Variants in MYOM1 observed in about 807,000 individuals in gnomAD.
The protein encoded by MYOM1 is myomesin 1.
MYOM1 carries 164 observed loss-of-function variants against 205.3 expected under a neutral mutation model. The observed-to-expected ratio is 0.80, with a 90% confidence interval of 0.70 to 0.91. The LOEUF is 0.91. Among genes scored for constraint, MYOM1 ranks in the 40% least tolerant of loss-of-function variants. MYOM1 has a pLI of 0.00. For synonymous variants in MYOM1, 772 were observed against 789.4 expected (o/e 0.98, Z 0.37); for missense variants, 2,011 against 2,127.3 (o/e 0.95, Z 1.08).
Position 3,215,034 on chromosome 18 carries a change from C to G in MYOM1, c.190G>C (p.Ala64Pro). The part of the protein sequence containing the change: ...HRRESEAFRR[A>P]SASSSQQQAS... ...TGCTGCTGGGAGGAGGAGGCGGACG[C>G]CCGACGGAAGGCCTCGGACTCCCGG... Residue 64 changes from alanine to proline, a missense_variant, in exon 2 of 38, where the codon GCG (alanine) becomes CCG (proline). Coordinates refer to ENST00000356443, the MANE Select transcript of MYOM1 (RefSeq NM_003803.4). The G allele has an allele frequency of 6.2e-7, 1 of 1,612,624 alleles. No individual in the cohort carries two copies. The highest frequency in any genetic ancestry group is 8.5e-7 in the Non-Finnish European group (1 of 1,179,386).
intron 5 of MYOM1, among the ~76,000 whole-genome samples, 193 bp downstream of exon 5, chr18:3,187,287 T>C (rs1238445800): frequency 6.6e-6 from 1 of 152,240 alleles, no homozygotes; most frequent in African/African-American, 2.4e-5. Flanking sequence ...GTAGCGTATA[T>C]ATGCAAGACT....
intron 34 of MYOM1, among the ~76,000 whole-genome samples, chr18:3,076,076 C>CT (rs112879352): frequency 1.7e-4 from 26 of 152,162 alleles, no homozygotes; most frequent in African/African-American, 6.3e-4. Context: ...TGTTTCTTTT[C>CT]TTTTTTTGAG....
intron 14 of MYOM1, among the ~76,000 whole-genome samples, chr18:3,140,990 TTCATTTTCTC>T (rs1248670926): frequency 6.6e-6 from 1 of 152,232 alleles, no homozygotes; most frequent in Non-Finnish European, 1.5e-5. Flanking sequence ...CTTATTTTCT[TTCATTTTCTC>T]AATTATATCC....
At chr18:3,205,690 T>C (rs2144224716) in intron 2 of MYOM1, among the ~76,000 whole-genome samples, 1 of 152,322 alleles carries the variant, frequency 6.6e-6, no homozygotes, top group Admixed American at 6.5e-5. Context: ...AAACTTAGCA[T>C]ACAACCCAGC....
intron 37 of MYOM1, among the ~76,000 whole-genome samples, chr18:3,068,581 T>C (rs867948000): frequency 9.9e-5 from 15 of 152,208 alleles, no homozygotes; most frequent in Non-Finnish European, 1.3e-4. Flanking sequence ...ACTCATCTGT[T>C]TTCCATTTCT....
At chr18:3,167,415 G>A (rs144941454) in intron 9 of MYOM1, among the ~76,000 whole-genome samples, 75 of 152,212 alleles carry the variant, frequency 4.9e-4, no homozygotes, top group East Asian at 1.7e-3. Context: ...ATGGAGTCCC[G>A]CTCTATAGCC....
chr18:3,137,419 C>A (rs998611717), intron 14 of MYOM1, among the ~76,000 whole-genome samples: 5 of 152,146 alleles, frequency 3.3e-5, no homozygotes, highest in African/African-American at 1.2e-4. Context: ...GGAATCAACC[C>A]AAGTGCCCAT....
At position 3,129,532 on chromosome 18, in the gene MYOM1, GACA is replaced by G. The variant is rs147985558; in HGVS notation, c.2507-16_2507-14del. ...GACACTCCTCCCCCTACAGTTGCCA[GACA>G]ACAACAGAAACGCATTGAGCCCGGA... On this transcript the variant is annotated splice_polypyrimidine_tract_variant and intron_variant, in intron 17 of 37. Coordinates refer to ENST00000356443, the MANE Select transcript of MYOM1 (RefSeq NM_003803.4). The G allele has an allele frequency of 3.3e-3, 5,320 of 1,598,732 alleles. 139 individuals carry two copies. In the African/African-American group the frequency reaches 0.061, roughly 18 times the overall value.
chr18:3,178,394 C>T (rs1268442632), intron 5 of MYOM1, among the ~76,000 whole-genome samples: 1 of 152,232 alleles, frequency 6.6e-6, no homozygotes, highest in Non-Finnish European at 1.5e-5. Context: ...GAACCGGCAG[C>T]CTGGCTGCTG....
intron 25 of MYOM1, among the ~76,000 whole-genome samples, chr18:3,098,356 C>A (rs1022149512): frequency 2.0e-5 from 3 of 152,138 alleles, no homozygotes; most frequent in African/African-American, 4.8e-5. Context: ...CGGCTCACTG[C>A]AACCTTCGCC....
At chr18:3,090,947 C>T (rs956045900) in intron 26 of MYOM1, 145 bp from the exon 27 acceptor site, 17 of 1,009,342 alleles carry the variant, frequency 1.7e-5, no homozygotes, top group East Asian at 5.2e-5. Context: ...TTTGGGAGGT[C>T]GAGGTGGGAG....
chr18:3,164,888 G>A (rs374002732), intron 9 of MYOM1, among the ~76,000 whole-genome samples: 36 of 152,234 alleles, frequency 2.4e-4, no homozygotes, highest in African/African-American at 7.5e-4. Flanking sequence ...ATTGCTGTCT[G>A]CTTTTCTGCA....
At chr18:3,150,258 C>T (rs1164678008) in intron 12 of MYOM1, among the ~76,000 whole-genome samples, 3 of 152,108 alleles carry the variant, frequency 2.0e-5, no homozygotes, top group Admixed American at 6.5e-5. Context: ...GACGGGGTTT[C>T]GCCATGTTGG....
chr18:3,201,750 C>T (rs1263251225), intron 2 of MYOM1, among the ~76,000 whole-genome samples: 1 of 151,038 alleles, frequency 6.6e-6, no homozygotes, highest in Non-Finnish European at 1.5e-5. Flanking sequence ...CTCAAGCCAT[C>T]CTCCCACCTC....
intron 5 of MYOM1, among the ~76,000 whole-genome samples, chr18:3,184,367 A>C (rs2080780925): frequency 6.6e-6 from 1 of 152,154 alleles, no homozygotes; most frequent in Admixed American, 6.5e-5. Context: ...TATACTGCTA[A>C]TTTATTTATT....
chr18:3,187,396 CATA>C, intron 5 of MYOM1, 81 bp downstream of exon 5: 1 of 1,429,336 alleles, frequency 7.0e-7, no homozygotes, highest in Non-Finnish European at 9.7e-7. Context: ...TTGACTCTTG[CATA>C]TGGTTGTTCT....
At chr18:3,088,413 T>C (rs1453107409) in intron 29 of MYOM1, among the ~76,000 whole-genome samples, 1 of 152,144 alleles carries the variant, frequency 6.6e-6, no homozygotes, top group Non-Finnish European at 1.5e-5. Context: ...TTTCCTTATA[T>C]GTATTTCTGA....
chr18:3,197,796 C>T (rs2144192756), intron 2 of MYOM1, among the ~76,000 whole-genome samples: 2 of 152,142 alleles, frequency 1.3e-5, no homozygotes, highest in East Asian at 1.9e-4. Flanking sequence ...TGGCGTGAAC[C>T]TGGGAGGCAG....
At chr18:3,180,077 G>A (rs887863409) in intron 5 of MYOM1, among the ~76,000 whole-genome samples, 4 of 152,140 alleles carry the variant, frequency 2.6e-5, no homozygotes, top group Non-Finnish European at 5.9e-5. Context: ...CAGGAGGATC[G>A]TTTGAGGCCA....
Sources: allele counts gnomAD v4.1 joint callset (sites outside exome capture counted in the v4.1 genomes callset), GRCh38; gene constraint gnomAD v4.1.1; transcripts MANE v1.5; gene names NCBI Gene and HGNC (gene_info 2026-07-23, HGNC 2026-07-21).